ATP11A: variants seen among roughly 807,000 people sequenced by gnomAD.
The protein encoded by ATP11A is phospholipid-transporting ATPase IH.
ATP11A carries 81 observed loss-of-function variants against 154.4 expected under a neutral mutation model. The observed-to-expected ratio is 0.52, with a 90% CI of 0.44 to 0.63. The LOEUF is 0.63. ATP11A is among the 30% of genes least tolerant of loss of function. The probability of loss-of-function intolerance (pLI) is 0.00; values close to 1 mark genes in which losing one functional copy is unlikely to be tolerated. For synonymous variants in ATP11A, 623 were observed against 585.9 expected, an observed-to-expected ratio of 1.06 and a Z score of -0.91; for missense variants, 1,316 against 1,474.3, an observed-to-expected ratio of 0.89 and a Z score of 1.76.
chr13:112,883,022 C>G lies in ATP11A; in HGVS notation c.*1156C>G, dbSNP rs527959486. 1 of 398,160 alleles carries G rather than the reference C, an allele frequency of 2.5e-6. No individual in the cohort carries two copies. Among genetic ancestry groups the G allele is most frequent in the South Asian group, 1.3e-4 (1 of 7,976 alleles). 24.7% of individuals were successfully genotyped at this position (398,160 alleles called of 1,614,324 possible). ...CCCACGTCCCCTCGTCCCATCCCCA[C>G]GTCCCCTCATCCCGTCACCTCGTCC... On this transcript the variant is annotated 3_prime_UTR_variant, in exon 30 of 30. Transcript: ENST00000375645.
chr13:112,720,374 G>A (rs756312173), intron 1 of ATP11A, among the ~76,000 whole-genome samples: 5 of 152,230 alleles, frequency 3.3e-5, no homozygotes, highest in African/African-American at 4.8e-5. Context: ...AAAGCCTGGA[G>A]CCAGTGGAAG....
Position 112,881,622 on chromosome 13 carries a change from C to A in ATP11A, c.*10-254C>A, listed in dbSNP as rs907517784. On this transcript the variant is annotated intron_variant, in intron 29 of 29. Transcript: ENST00000375645. ...GGCCCTCATTCCTAGACAGAGACCC[C>A]TCGCCTCCATATGGCTTCTCTGGTG... The A allele has an allele frequency of 1.4e-5, 17 of 1,188,636 alleles. No homozygotes were observed. In the African/African-American group the frequency reaches 1.6e-4, roughly 11 times the overall value. 73.6% of individuals were successfully genotyped at this position (1,188,636 alleles called of 1,614,324 possible). A position where few individuals can be genotyped will look rare whatever the true frequency, so the allele number is the denominator to read the frequency against.
chr13:112,806,892 G>A (rs191013444), intron 4 of ATP11A, among the ~76,000 whole-genome samples: 1 of 152,252 alleles, frequency 6.6e-6, no homozygotes. Context: ...GCTCATAGGC[G>A]GTGTTTTGTG....
intron 1 of ATP11A, among the ~76,000 whole-genome samples, chr13:112,718,757 G>A (rs993475479): frequency 6.7e-6 from 1 of 149,348 alleles, no homozygotes; most frequent in African/African-American, 2.5e-5. Context: ...TGCAACCTCC[G>A]CCTCCCAGGT....
intron 2 of ATP11A, among the ~76,000 whole-genome samples, chr13:112,789,442 A>G (rs56079189): frequency 2.7e-4 from 34 of 127,486 alleles, no homozygotes; most frequent in African/African-American, 9.2e-4. Flanking sequence ...TCACACCGGT[A>G]TCCTGACATA....
intron 1 of ATP11A, among the ~76,000 whole-genome samples, chr13:112,707,584 C>G (rs1049881686): frequency 6.6e-6 from 1 of 152,108 alleles, no homozygotes; most frequent in Non-Finnish European, 1.5e-5. Context: ...CTCAATGTAG[C>G]CATTCCACAG....
chr13:112,717,701 T>C (rs376351862), intron 1 of ATP11A: 6 of 152,354 alleles, frequency 3.9e-5, no homozygotes, highest in African/African-American at 1.4e-4. Flanking sequence ...ATTGATTAAG[T>C]TATGGTCGTA....
intron 2 of ATP11A, among the ~76,000 whole-genome samples, chr13:112,790,042 C>T (rs1398622843): frequency 2.2e-5 from 3 of 133,494 alleles, no homozygotes; most frequent in African/African-American, 8.4e-5. Flanking sequence ...ACCCCTGTGG[C>T]GACCTACTTA....
At chr13:112,791,089 G>A (rs1351558849) in intron 2 of ATP11A, among the ~76,000 whole-genome samples, 1 of 151,896 alleles carries the variant, frequency 6.6e-6, no homozygotes, top group Non-Finnish European at 1.5e-5. Flanking sequence ...CACTGAAGAT[G>A]GTTTCCAAGC....
At chr13:112,749,522 T>C (rs2076640107) in intron 1 of ATP11A, among the ~76,000 whole-genome samples, 2 of 152,144 alleles carry the variant, frequency 1.3e-5, no homozygotes, top group Admixed American at 6.5e-5. Context: ...GCAAAGGAGA[T>C]TTACAGAACT....
chr13:112,739,560 A>T (rs184857867), intron 1 of ATP11A, among the ~76,000 whole-genome samples: 3 of 152,250 alleles, frequency 2.0e-5, no homozygotes, highest in Non-Finnish European at 1.5e-5. Flanking sequence ...ACACTTGGCA[A>T]TTCCTCGAAA....
intron 1 of ATP11A, among the ~76,000 whole-genome samples, chr13:112,733,733 A>G (rs1890718063): frequency 6.6e-6 from 1 of 152,200 alleles, no homozygotes; most frequent in Admixed American, 6.5e-5. Flanking sequence ...CTTTAGGGGA[A>G]AAATAATATA....
chr13:112,866,126 G>T (rs1238791924), intron 25 of ATP11A, among the ~76,000 whole-genome samples: 1 of 152,126 alleles, frequency 6.6e-6, no homozygotes, highest in African/African-American at 2.4e-5. Context: ...TTTTGCCACT[G>T]GCGTCCCTTC....
intron 5 of ATP11A, among the ~76,000 whole-genome samples, chr13:112,811,172 A>ACACACACACT (rs2078487089): frequency 6.7e-6 from 1 of 148,246 alleles, no homozygotes; most frequent in African/African-American, 2.5e-5. Flanking sequence ...ACACACACAC[A>ACACACACACT]CACACACACA....
chr13:112,856,199 T>TA (rs1197409814), intron 20 of ATP11A, 114 bp downstream of exon 20: 25 of 1,077,076 alleles, frequency 2.3e-5, no homozygotes, highest in Non-Finnish European at 3.1e-5. Flanking sequence ...TACCACCTGT[T>TA]AAAAATAGAA....
At chr13:112,698,549 T>C (rs1003200108) in intron 1 of ATP11A, among the ~76,000 whole-genome samples, 1 of 152,052 alleles carries the variant, frequency 6.6e-6, no homozygotes, top group Admixed American at 6.5e-5. Flanking sequence ...TGAGAGAGGG[T>C]GATGTGGCTC....
rs1042484010 is a variant in ATP11A at position 112,770,795 on chromosome 13, C to T, written c.40-14340C>T. On this transcript the variant is annotated intron_variant, in intron 1 of 29. Transcript: ENST00000375645. ...CTGCTAGGAGGCGGCGATGGCGAGT[C>T]AGGAGGAAGCCTATTTTTAGAAACG... 7.9e-5 allele frequency among the ~76,000 whole-genome samples: 12 copies of T among 152,322 alleles called. No individual in the cohort carries two copies. The East Asian group carries it at 2.1e-3, about 27-fold the overall frequency.
intron 16 of ATP11A, among the ~76,000 whole-genome samples, chr13:112,839,153 T>C (rs780625535): frequency 9.9e-5 from 15 of 152,216 alleles, no homozygotes; most frequent in Admixed American, 5.9e-4. Context: ...CTCGGCTGCA[T>C]CAGGCCTTCC....
intron 29 of ATP11A, chr13:112,880,776 TACAC>T: frequency 8.7e-7 from 1 of 1,155,428 alleles, no homozygotes; most frequent in Non-Finnish European, 1.1e-6. Context: ...CAGCCCTCTT[TACAC>T]ACACATGCAT....
Sources: gnomAD v4.1 joint callset for allele counts (sites outside exome capture counted in the v4.1 genomes callset) on GRCh38, gnomAD v4.1.1 for gene constraint, MANE v1.5 for transcripts, NCBI Gene and HGNC (gene_info 2026-07-23, HGNC 2026-07-21) for gene names.